The following NDUFAF6 variants were observed in gnomAD, a reference collection of about 807,000 sequenced individuals.
NDUFAF6 encodes the protein NADH:ubiquinone oxidoreductase complex assembly factor 6.
In NDUFAF6, 45 loss-of-function variants were observed where a neutral mutation model predicts 40.8. The ratio of observed to expected loss-of-function variants is 1.10; its 90% confidence interval spans 0.87 to 1.42. NDUFAF6 has a LOEUF of 1.42. Among genes scored for constraint, NDUFAF6 ranks in the 40% most tolerant of loss-of-function variants. The probability of loss-of-function intolerance (pLI) is 0.00; values close to 1 mark genes in which losing one functional copy is unlikely to be tolerated. For synonymous variants in NDUFAF6, 185 were observed against 155.9 expected, an observed-to-expected ratio of 1.19 and a Z score of -1.39; for missense variants, 435 against 418.5, an observed-to-expected ratio of 1.04 and a Z score of -0.34.
intron 8 of NDUFAF6, among the ~76,000 whole-genome samples, chr8:95,052,442 A>T (rs1287402560): frequency 6.6e-6 from 1 of 152,142 alleles, no homozygotes; most frequent in Non-Finnish European, 1.5e-5. Context: ...TTTAGCACGG[A>T]CTTTGCAGCC....
intron 1 of NDUFAF6, among the ~76,000 whole-genome samples, chr8:94,919,239 A>G (rs899657877): frequency 3.3e-5 from 5 of 151,910 alleles, no homozygotes; most frequent in African/African-American, 1.2e-4. Context: ...TGGAGTGCAG[A>G]GGCACAATCA....
At chr8:95,081,143 CTTTTTTTTTTTTTTTTTTTT>C (rs559573385), downstream of NDUFAF6, among the ~76,000 whole-genome samples, 2 of 57,712 alleles carry the variant, frequency 3.5e-5, no homozygotes, top group African/African-American at 8.0e-5. Flanking sequence ...AGTCCTGCAT[CTTTTTTTTTTTTTTTTTTTT>C]TTTTTTTTTT....
chr8:95,099,111 G>A (rs1272116164), upstream of NDUFAF6, among the ~76,000 whole-genome samples: 2 of 151,896 alleles, frequency 1.3e-5, no homozygotes, highest in Non-Finnish European at 2.9e-5. Context: ...GTGGTGGCAG[G>A]TGCCTGTAGT....
intron 2 of NDUFAF6, among the ~76,000 whole-genome samples, chr8:94,983,013 C>T (rs1346109629): frequency 6.6e-6 from 1 of 152,156 alleles, no homozygotes; most frequent in Non-Finnish European, 1.5e-5. Context: ...CTTGGGCAGA[C>T]CACCATCTCC....
intron 1 of NDUFAF6, chr8:94,939,944 G>A: frequency 6.2e-7 from 1 of 1,614,182 alleles, no homozygotes; most frequent in Non-Finnish European, 8.5e-7. Flanking sequence ...AGCATAGACA[G>A]ACATGCTGGG....
chr8:95,048,410 A>G, intron 6 of NDUFAF6, 47 bp from the exon 7 acceptor site: 2 of 1,336,970 alleles, frequency 1.5e-6, no homozygotes, highest in South Asian at 1.2e-5. Flanking sequence ...AACTGTTGGA[A>G]GGAAGTGCTT....
chr8:94,920,157 A>T (rs1819403239), intron 1 of NDUFAF6, among the ~76,000 whole-genome samples: 2 of 152,238 alleles, frequency 1.3e-5, no homozygotes, highest in Non-Finnish European at 2.9e-5. Flanking sequence ...GTGTGTGTGT[A>T]TATCTATACA....
At chr8:95,113,473 C>T (rs1053603707) in intron 4 of NDUFAF6, among the ~76,000 whole-genome samples, 4 of 152,078 alleles carry the variant, frequency 2.6e-5, no homozygotes, top group Admixed American at 2.0e-4. Context: ...GTGCAGAGTA[C>T]GCAGAGTCTG....
At chr8:95,024,317 G>C (rs1282183435), upstream of NDUFAF6, among the ~76,000 whole-genome samples, 4 of 152,340 alleles carry the variant, frequency 2.6e-5, no homozygotes, top group South Asian at 8.3e-4. Flanking sequence ...GGGTAAAGCA[G>C]GAAACAAAAT....
upstream of NDUFAF6, chr8:95,024,901 G>A (rs905717125): frequency 4.0e-6 from 4 of 987,824 alleles, no homozygotes; most frequent in Admixed American, 4.3e-5. Flanking sequence ...GGCGTCCAGA[G>A]GCTGCCTTCC....
At chr8:94,993,507 C>G (rs926104228) in intron 2 of NDUFAF6, among the ~76,000 whole-genome samples, 3 of 152,196 alleles carry the variant, frequency 2.0e-5, no homozygotes, top group Non-Finnish European at 4.4e-5. Context: ...TCTAGACTTG[C>G]AGTTTCTACT....
At chr8:94,925,841 T>A (rs1819842217) in intron 1 of NDUFAF6, 1 of 152,200 alleles carries the variant, frequency 6.6e-6, no homozygotes, top group Non-Finnish European at 1.5e-5. Flanking sequence ...CGCCCAGCCT[T>A]AATATATACA....
At position 94,989,366 on chromosome 8, in the gene NDUFAF6, G is replaced by A. The variant is rs561919173; in HGVS notation, c.-84+8393G>A. 2.6e-5 allele frequency: 4 copies of A among 152,294 alleles called. No individual in the cohort carries two copies. The South Asian group carries it at 8.3e-4, about 32-fold the overall frequency. The allele number at this position is 152,294 out of a possible 1,614,324, so 9.4% of individuals were successfully genotyped here. A position where few individuals can be genotyped will look rare whatever the true frequency, so the allele number is the denominator to read the frequency against. ...TGACAGTTGGCATTTCTATAAACCA[G>A]AATTGTACCTCTGCTTACAGCTCTG... On this transcript the variant is annotated intron_variant, in intron 2 of 9. Transcript: ENST00000396111.
At chr8:95,027,541 C>T (rs1435837271) in intron 1 of NDUFAF6, among the ~76,000 whole-genome samples, 2 of 147,730 alleles carry the variant, frequency 1.4e-5, no homozygotes, top group East Asian at 2.0e-4. Context: ...GATCTTGCCA[C>T]TGCACTCCAG....
rs146985132 is a variant in NDUFAF6 at position 94,915,749 on chromosome 8, A to G, written c.-936+19822A>G. ...GCATCTGTTATTTTCAGGGCTTACA[A>G]TTCAGAATGAGACCAGAACAGGTAC... On this transcript the variant is annotated intron_variant, in intron 1 of 14. Coordinates refer to the NDUFAF6 transcript ENST00000396113. Among the ~76,000 whole-genome samples, 490 of 152,316 alleles carry G rather than the reference A, an allele frequency of 3.2e-3. 2 individuals are homozygous for G. The highest frequency in any genetic ancestry group is 0.011 in the African/African-American group (466 of 41,586).
At chr8:95,118,322 A>T (rs1810175701), downstream of NDUFAF6, among the ~76,000 whole-genome samples, 1 of 152,222 alleles carries the variant, frequency 6.6e-6, no homozygotes, top group Non-Finnish European at 1.5e-5. Flanking sequence ...TGGTCAAGGC[A>T]AGTCACTAAG....
chr8:95,075,597 G>A, intron 9 of NDUFAF6: 2 of 1,285,998 alleles, frequency 1.6e-6, no homozygotes, highest in Non-Finnish European at 2.0e-6. Context: ...TTTTCTAGTT[G>A]GCTTGGTGAA....
At chr8:95,118,286 G>A (rs1429636060), downstream of NDUFAF6, among the ~76,000 whole-genome samples, 2 of 152,186 alleles carry the variant, frequency 1.3e-5, no homozygotes, top group Non-Finnish European at 1.5e-5. Context: ...TGGATGTCCT[G>A]GAACATCCTT....
chr8:95,024,073 G>A (rs1227512381), upstream of NDUFAF6, among the ~76,000 whole-genome samples: 1 of 152,106 alleles, frequency 6.6e-6, no homozygotes. Flanking sequence ...ATCTTCCTAA[G>A]GACCTGAAAG....
Sources: gnomAD v4.1 joint callset for allele counts (sites outside exome capture counted in the v4.1 genomes callset) on GRCh38, gnomAD v4.1.1 for gene constraint, MANE v1.5 for transcripts, NCBI Gene and HGNC (gene_info 2026-07-23, HGNC 2026-07-21) for gene names.